The following SLC19A1 variants were observed in gnomAD, a reference collection of about 807,000 sequenced individuals.
The protein encoded by SLC19A1 is reduced folate transporter.
Under a neutral mutation model 35.3 loss-of-function variants are expected in SLC19A1, and 37 were observed. That is an observed-to-expected ratio of 1.05 (90% CI 0.81 to 1.38). The LOEUF is 1.38. SLC19A1 is among the 40% of genes most tolerant of loss of function. SLC19A1 has a pLI of 0.00. For missense variants in SLC19A1, 831 were observed against 826.9 expected, an observed-to-expected ratio of 1.00 and a Z score of -0.06; for synonymous variants, 460 against 398.5, an observed-to-expected ratio of 1.15 and a Z score of -1.84.
chr21:45,516,406 G>A (rs762261121), intron 5 of SLC19A1, among the ~76,000 whole-genome samples: 1 of 152,208 alleles, frequency 6.6e-6, no homozygotes. Flanking sequence ...GCCTGCTTCT[G>A]CGTGGCCTGC....
At chr21:45,542,638 C>T (rs1345415319), upstream of SLC19A1, among the ~76,000 whole-genome samples, 1 of 151,362 alleles carries the variant, frequency 6.6e-6, no homozygotes, top group Admixed American at 6.6e-5. Flanking sequence ...GTCACGCGGC[C>T]CCTCGTGCTG....
At position 45,531,430 on chromosome 21, in the gene SLC19A1, C is replaced by A. The variant is rs145725041; in HGVS notation, c.908G>T (p.Arg303Leu). Residue 303 changes from arginine to leucine, a missense_variant, in exon 3 of 6, where the codon CGG (arginine) becomes CTG (leucine). Transcript: ENST00000311124. ...AGCATCTGCCGCGCCGTTGTAGACC[C>A]GCGCACTGTTGGTGGTGGGGTCCAC... ...NEVDPTTNSARVYNGAADAAS... is the reference protein window; with the variant it reads ...NEVDPTTNSALVYNGAADAAS... 6.2e-7 allele frequency: 1 copy of A among 1,608,648 alleles called. No homozygotes were observed. The highest frequency in any genetic ancestry group is 1.1e-5 in the South Asian group (1 of 90,414).
In SLC19A1 at chr21:45,540,180, G is replaced by A. The variant is rs183948792; in HGVS notation, c.-49-2172C>T. 6.6e-6 allele frequency among the ~76,000 whole-genome samples: 1 copy of A among 152,106 alleles called. No individual in the cohort carries two copies. Among genetic ancestry groups the A allele is most frequent in the African/African-American group, 2.4e-5 (1 of 41,398 alleles). On this transcript the variant is annotated intron_variant, in intron 1 of 5. Transcript: ENST00000311124. The surrounding 1 kb of genome is among the most constrained non-coding windows in gnomAD (Gnocchi z 5.5). ...GGTAGAGCTGGACATACCTCAGACC[G>A]CACCCACTCCTCCCCACTGGGAGAC...
chr21:45,532,649 G>T (rs945744927), intron 2 of SLC19A1, among the ~76,000 whole-genome samples: 2 of 152,124 alleles, frequency 1.3e-5, no homozygotes, highest in African/African-American at 4.8e-5. Flanking sequence ...TGGGCAGGCT[G>T]GTCTCGAACT....
chr21:45,535,289 G>C (rs988074167), intron 2 of SLC19A1, among the ~76,000 whole-genome samples: 16 of 152,222 alleles, frequency 1.1e-4, no homozygotes, highest in African/African-American at 3.6e-4. Context: ...CGGGGAAAGC[G>C]CTCTCAGCTG....
At chr21:45,510,814 A>G (rs1279135090), downstream of SLC19A1, among the ~76,000 whole-genome samples, 1 of 152,022 alleles carries the variant, frequency 6.6e-6, no homozygotes, top group East Asian at 1.9e-4. Flanking sequence ...GTTAGGGGAC[A>G]GGGTCCCCTG....
At chr21:45,528,823 G>A (rs1275355210) in intron 4 of SLC19A1, among the ~76,000 whole-genome samples, 1 of 152,218 alleles carries the variant, frequency 6.6e-6, no homozygotes, top group Non-Finnish European at 1.5e-5. Flanking sequence ...GTGACCATCT[G>A]CATCTGTGTC....
At chr21:45,550,289 A>G (rs1481448140) in intron 1 of SLC19A1, among the ~76,000 whole-genome samples, 2 of 152,144 alleles carry the variant, frequency 1.3e-5, no homozygotes, top group Admixed American at 1.3e-4. Context: ...AAAGGGTCAC[A>G]TGAGACTGTG....
intron 3 of SLC19A1, among the ~76,000 whole-genome samples, chr21:45,503,160 T>C (rs953960422): frequency 2.6e-5 from 4 of 152,222 alleles, no homozygotes; most frequent in Admixed American, 1.3e-4. Flanking sequence ...ACTTCCACAA[T>C]GGTTGAACTA....
chr21:45,548,020 C>T (rs2078431257), upstream of SLC19A1, among the ~76,000 whole-genome samples: 2 of 152,214 alleles, frequency 1.3e-5, no homozygotes, highest in South Asian at 4.1e-4. Flanking sequence ...AAAAGACTTA[C>T]AATAGCCAGA....
chr21:45,510,239 C>T (rs1226295594), downstream of SLC19A1: 7 of 1,605,894 alleles, frequency 4.4e-6, no homozygotes, highest in African/African-American at 6.7e-5. Flanking sequence ...GACCGCGCAG[C>T]CGTGCCCATC....
Position 45,525,711 on chromosome 21 carries a change from C to A in SLC19A1, c.1293+106G>T, listed in dbSNP as rs1354155309. ...GGAAGCCCCAGGCCCGCACCCTGTGCCCCCAGCCCACAGTGGGCTCCACAT... is the reference window on the plus strand; with the variant it reads ...GGAAGCCCCAGGCCCGCACCCTGTGACCCCAGCCCACAGTGGGCTCCACAT... On this transcript the variant is annotated intron_variant, in intron 5 of 5. Coordinates refer to ENST00000311124, the MANE Select transcript of SLC19A1 (RefSeq NM_194255.4). 7 of 1,324,880 alleles carry A rather than the reference C, an allele frequency of 5.3e-6. No individual in the cohort carries two copies. The East Asian group carries it at 1.4e-4, about 26-fold the overall frequency. 82.1% of individuals were successfully genotyped at this position (1,324,880 alleles called of 1,614,324 possible).
chr21:45,548,615 G>A (rs981821564), upstream of SLC19A1, among the ~76,000 whole-genome samples: 4 of 152,074 alleles, frequency 2.6e-5, no homozygotes, highest in African/African-American at 9.7e-5. Flanking sequence ...GTGGTGGCGG[G>A]TGCCTGTAGT....
At position 45,515,941 on chromosome 21, in the gene SLC19A1, T is replaced by C; in HGVS notation, c.1493A>G (p.Gln498Arg). 6.5e-7 allele frequency: 1 copy of C among 1,538,418 alleles called. No homozygotes were observed. ...GTCTTCTGGGGAAAGCGGCGGGCTC[T>C]GGGCTGGCTGCAGGCCTCCGAGGCC... ...DKGLGGLQPA[Q>R]SPPLSPEDSL... The change falls in exon 6 of 6, where the codon CAG becomes CGG. Residue 498 changes from glutamine (Q) to arginine (R), a missense_variant. By Grantham distance (43) the Gln-to-Arg change is conservative. Coordinates refer to ENST00000311124, the MANE Select transcript of SLC19A1 (RefSeq NM_194255.4).
chr21:45,504,473 G>A lies in SLC19A1; in HGVS notation c.498-5861C>T, dbSNP rs758663679. ...GAAAGGCGAAAGGGGGGAGCCCGGG[G>A]GCGGCGGTTTCTTCGGCTCCAGCCT... is the stretch of plus-strand genomic sequence containing the variant. On this transcript the variant is annotated intron_variant, in intron 3 of 4. Coordinates refer to the SLC19A1 transcript ENST00000417954. 1.3e-5 allele frequency: 21 copies of A among 1,608,346 alleles called. No individual in the cohort carries two copies. Among genetic ancestry groups the A allele is most frequent in the South Asian group, 7.7e-5 (7 of 90,884 alleles).
chr21:45,545,604 G>A (rs940105683), upstream of SLC19A1, among the ~76,000 whole-genome samples: 5 of 151,842 alleles, frequency 3.3e-5, no homozygotes, highest in South Asian at 2.1e-4. Context: ...GTACACACAC[G>A]TACAGACACC....
intron 1 of SLC19A1, among the ~76,000 whole-genome samples, chr21:45,551,188 A>C (rs1293680293): frequency 1.3e-5 from 2 of 151,818 alleles, no homozygotes; most frequent in Admixed American, 1.3e-4. Flanking sequence ...CGGGAGGTGG[A>C]GGTTGCAGTG....
At chr21:45,548,512 G>C (rs1315916782), upstream of SLC19A1, among the ~76,000 whole-genome samples, 2 of 152,160 alleles carry the variant, frequency 1.3e-5, no homozygotes, top group Non-Finnish European at 2.9e-5. Context: ...GGGAGGCCGA[G>C]GCAGGTTGGT....
Position 45,515,314 on chromosome 21 carries a change from A to G in SLC19A1, c.*344T>C. 1 of 1,461,498 alleles carries G rather than the reference A, an allele frequency of 6.8e-7. No individual in the cohort carries two copies. Among genetic ancestry groups the G allele is most frequent in the Non-Finnish European group, 8.9e-7 (1 of 1,118,750 alleles). 90.5% of individuals were successfully genotyped at this position (1,461,498 alleles called of 1,614,324 possible). A position where few individuals can be genotyped will look rare whatever the true frequency, so the allele number is the denominator to read the frequency against. ...CCAGTGTCCCCTGAGCTGGTATCCA[A>G]GAGGCCACTTCACTAGCCCTGGGGG... On this transcript the variant is annotated 3_prime_UTR_variant, in exon 6 of 6. Transcript: ENST00000311124.
Sources: gnomAD v4.1 joint callset for allele counts (sites outside exome capture counted in the v4.1 genomes callset) on GRCh38, gnomAD v4.1.1 for gene constraint, Gnocchi (gnomAD v3.1) non-coding constraint, MANE v1.5 for transcripts, NCBI Gene and HGNC (gene_info 2026-07-23, HGNC 2026-07-21) for gene names.